SLC36A4: variants seen among roughly 807,000 people sequenced by gnomAD.
SLC36A4 encodes solute carrier family 36 member 4, also known as neutral amino acid uniporter 4.
SLC36A4 carries 49 observed loss-of-function variants against 50.5 expected under a neutral mutation model. The ratio of observed to expected loss-of-function variants is 0.97; its 90% CI spans 0.77 to 1.23. The LOEUF (loss-of-function observed/expected upper bound fraction) is 1.23, where lower values mean the gene tolerates loss of function less well. Among genes scored for constraint, SLC36A4 ranks in the 50% most tolerant of loss-of-function variants. The pLI is 0.00. For synonymous variants in SLC36A4, 207 were observed against 206.5 expected, an observed-to-expected ratio of 1.00 and a Z score of -0.02; for missense variants, 611 against 608.4, an observed-to-expected ratio of 1.00 and a Z score of -0.05.
At chr11:93,169,396 G>A (rs1861031217) in intron 6 of SLC36A4, among the ~76,000 whole-genome samples, 2 of 152,076 alleles carry the variant, frequency 1.3e-5, no homozygotes, top group Admixed American at 1.3e-4. Flanking sequence ...CTGCAACCCA[G>A]AAAGGAGGGC....
chr11:93,164,748 G>C lies in SLC36A4; in HGVS notation c.867+1170C>G, dbSNP rs534840442. ...TCACGCAGCATTATAGGTGTTTTAT[G>C]TATAGTCTCCTTTATGGAATGAATT... On this transcript the variant is annotated intron_variant, in intron 8 of 10. Transcript: ENST00000326402. Among the ~76,000 whole-genome samples, 13 of 152,248 alleles carry C rather than the reference G, an allele frequency of 8.5e-5. No homozygotes were observed. In the East Asian group the frequency reaches 2.5e-3, roughly 29 times the overall value.
In SLC36A4 at chr11:93,145,110, T is replaced by C. The variant is rs1033034735; in HGVS notation, c.*3427A>G. 3.9e-5 allele frequency: 6 copies of C among 152,078 alleles called. No homozygotes were observed. Among genetic ancestry groups the C allele is most frequent in the Admixed American group, 3.9e-4 (6 of 15,238 alleles). 9.4% of individuals were successfully genotyped at this position (152,078 alleles called of 1,614,324 possible). On this transcript the variant is annotated 3_prime_UTR_variant, in exon 11 of 11. Transcript: ENST00000326402. Reference sequence around the variant, plus strand: ...ATGAGAAGACATAAGTAAGCTATAGTAAGACTTGTGCCTTGCCACAGCTAG... The same window carrying C: ...ATGAGAAGACATAAGTAAGCTATAGCAAGACTTGTGCCTTGCCACAGCTAG...
chr11:93,175,256 T>C (rs1261919173), intron 6 of SLC36A4, among the ~76,000 whole-genome samples: 1 of 152,022 alleles, frequency 6.6e-6, no homozygotes, highest in Non-Finnish European at 1.5e-5. Flanking sequence ...TAGTATTCTC[T>C]GATGGTAGTT....
intron 1 of SLC36A4, among the ~76,000 whole-genome samples, chr11:93,195,137 T>A (rs1293971169): frequency 1.3e-5 from 2 of 151,026 alleles, no homozygotes; most frequent in African/African-American, 4.9e-5. Flanking sequence ...TGCACTTTAT[T>A]ATCTAGTATT....
chr11:93,178,396 C>T (rs953856604), intron 6 of SLC36A4, among the ~76,000 whole-genome samples: 1 of 152,142 alleles, frequency 6.6e-6, no homozygotes, highest in African/African-American at 2.4e-5. Flanking sequence ...ATGGGCTGCA[C>T]CCACTGTCCA....
chr11:93,187,490 A>G (rs988110643), intron 1 of SLC36A4, among the ~76,000 whole-genome samples: 4 of 152,270 alleles, frequency 2.6e-5, no homozygotes, highest in East Asian at 1.9e-4. Flanking sequence ...TCTTCCATTC[A>G]ACCACTTTAT....
chr11:93,180,392 C>G (rs1861684767), intron 6 of SLC36A4: 1 of 884,520 alleles, frequency 1.1e-6, no homozygotes, highest in Admixed American at 6.2e-5. Flanking sequence ...GCTATAATTA[C>G]CAGATTTTAA....
At position 93,148,932 on chromosome 11, in the gene SLC36A4, T is replaced by A. The variant is rs761326518; in HGVS notation, c.1208-88A>T. 26 of 1,170,082 alleles carry A rather than the reference T, an allele frequency of 2.2e-5. No homozygotes were observed. In the Middle Eastern group the frequency reaches 6.3e-4, roughly 28 times the overall value. 72.5% of individuals were successfully genotyped at this position (1,170,082 alleles called of 1,614,324 possible). A position where few individuals can be genotyped will look rare whatever the true frequency, so the allele number is the denominator to read the frequency against. ...CAGTAAGTATTTTCAATACTGAAAG[T>A]AATTACTAGAAATAATTAATGAAAG... is the stretch of plus-strand genomic sequence containing the variant. On this transcript the variant is annotated intron_variant, in intron 10 of 10. Coordinates refer to ENST00000326402, the MANE Select transcript of SLC36A4 (RefSeq NM_152313.4).
chr11:93,154,815 C>A (rs983184202), intron 9 of SLC36A4: 13 of 152,118 alleles, frequency 8.5e-5, no homozygotes, highest in African/African-American at 2.9e-4. Context: ...CTAAATTACA[C>A]ATACAATCTA....
At chr11:93,183,933 C>T (rs34154713) in intron 3 of SLC36A4, among the ~76,000 whole-genome samples, 6,135 of 152,158 alleles carry the variant, frequency 0.04, 186 homozygotes, top group Non-Finnish European at 0.061. Flanking sequence ...CTCCTGACCT[C>T]GTGATCTGCC....
chr11:93,148,708 C>A lies in SLC36A4; in HGVS notation c.1344G>T (p.Trp448Cys). The A allele has an allele frequency of 1.2e-6, 2 of 1,612,778 alleles. No individual in the cohort carries two copies. The highest frequency in any genetic ancestry group is 1.7e-6 in the Non-Finnish European group (2 of 1,179,296). Residue 448 changes from tryptophan (W) to cysteine (C), a missense_variant, in exon 11 of 11, where the codon TGG becomes TGT. Coordinates refer to ENST00000326402, the MANE Select transcript of SLC36A4 (RefSeq NM_152313.4). ...LTFSKEHYNI[W>C]MVLKNISIAF... ...CTATAGAAATATTTTTCAGGACCAT[C>A]CATATATTATAATGTTCCTTCGAAA...
chr11:93,155,266 T>C (rs934400844), intron 9 of SLC36A4: 16 of 152,160 alleles, frequency 1.1e-4, no homozygotes, highest in African/African-American at 3.6e-4. Flanking sequence ...GTGGGTTCAG[T>C]GTGCTGCAAC....
At chr11:93,162,944 C>T (rs998619800) in intron 8 of SLC36A4, 69 bp from the exon 9 acceptor site, 1 of 1,454,410 alleles carries the variant, frequency 6.9e-7, no homozygotes, top group African/African-American at 1.4e-5. Flanking sequence ...GTCTCTTATA[C>T]ATACAAATTG....
intron 10 of SLC36A4, among the ~76,000 whole-genome samples, chr11:93,149,280 C>A (rs1254589712): frequency 1.3e-5 from 2 of 151,864 alleles, no homozygotes; most frequent in African/African-American, 4.8e-5. Context: ...ATAGAAGGAA[C>A]AATGGAAACA....
chr11:93,151,860 T>C (rs573961082), intron 10 of SLC36A4, among the ~76,000 whole-genome samples: 1 of 152,154 alleles, frequency 6.6e-6, no homozygotes, highest in South Asian at 2.1e-4. Flanking sequence ...TTTAAAAATG[T>C]AATGGCTCAT....
chr11:93,163,728 G>A (rs1038654574), intron 8 of SLC36A4, among the ~76,000 whole-genome samples: 2 of 152,110 alleles, frequency 1.3e-5, no homozygotes, highest in African/African-American at 4.8e-5. Flanking sequence ...GGGAGTAGGA[G>A]GGGGATTAGT....
intron 9 of SLC36A4, chr11:93,155,508 T>C (rs1456823477): frequency 6.8e-6 from 1 of 148,084 alleles, no homozygotes; most frequent in African/African-American, 2.6e-5. Flanking sequence ...ATGTACTTAA[T>C]ATATAAGTAT....
chr11:93,188,586 T>C (rs1862086474), intron 1 of SLC36A4, among the ~76,000 whole-genome samples: 1 of 152,208 alleles, frequency 6.6e-6, no homozygotes, highest in African/African-American at 2.4e-5. Context: ...GTTTCTTGTT[T>C]TCCAGTTTCA....
chr11:93,179,361 C>G lies in SLC36A4; in HGVS notation c.540+1436G>C, dbSNP rs1327493826. Among the ~76,000 whole-genome samples, 3 of 152,104 alleles carry G rather than the reference C, an allele frequency of 2.0e-5. No homozygotes were observed. The East Asian group carries it at 5.8e-4, about 29-fold the overall frequency. On this transcript the variant is annotated intron_variant, in intron 6 of 10. Coordinates refer to ENST00000326402, the MANE Select transcript of SLC36A4 (RefSeq NM_152313.4). ...TCCCTTCCTTCATAAGGCTTGCTGTCTAGTGGTGAAAAATAACTTGTAGAT... is the reference window on the plus strand; with the variant it reads ...TCCCTTCCTTCATAAGGCTTGCTGTGTAGTGGTGAAAAATAACTTGTAGAT...
Sources: gnomAD v4.1 joint callset for allele counts (sites outside exome capture counted in the v4.1 genomes callset) on GRCh38, gnomAD v4.1.1 for gene constraint, MANE v1.5 for transcripts, NCBI Gene and HGNC (gene_info 2026-07-23, HGNC 2026-07-21) for gene names.